GPR176: variants seen among roughly 807,000 people sequenced by gnomAD.
GPR176 encodes G protein-coupled receptor 176.
Under a neutral mutation model 35.4 loss-of-function variants are expected in GPR176, and 26 were observed. The observed-to-expected ratio is 0.74, with a 90% CI of 0.54 to 1.02. The LOEUF is 1.02. GPR176 is among the 50% of genes least tolerant of loss of function. The pLI is 0.00. For synonymous variants in GPR176, 278 were observed against 271.3 expected (o/e 1.02, Z -0.24); for missense variants, 597 against 665.3 (o/e 0.90, Z 1.13).
intron 1 of GPR176, among the ~76,000 whole-genome samples, chr15:39,902,816 C>T (rs150905367): frequency 6.6e-6 from 1 of 152,318 alleles, no homozygotes; most frequent in African/African-American, 2.4e-5. Flanking sequence ...AATGAGCACA[C>T]AAGGGATGCC....
In GPR176 at chr15:39,920,105, G is replaced by A. The variant is rs2033838823; in HGVS notation, c.-79C>T. 1 of 1,002,462 alleles carries A rather than the reference G, an allele frequency of 1.0e-6. No individual in the cohort carries two copies. The highest frequency in any genetic ancestry group is 1.3e-6 in the Non-Finnish European group (1 of 765,324). The allele number at this position is 1,002,462 out of a possible 1,614,324, so 62.1% of individuals were successfully genotyped here. A position where few individuals can be genotyped will look rare whatever the true frequency, so the allele number is the denominator to read the frequency against. On this transcript the variant is annotated 5_prime_UTR_variant, in exon 1 of 3. Coordinates refer to ENST00000561100, the MANE Select transcript of GPR176 (RefSeq NM_007223.3). Reference sequence around the variant, plus strand: ...AGCCTCTCCTCCTCCGGGTGAGGAGGGACGCGCGGGCGCCTGGCGGAGTCC... The same window carrying A: ...AGCCTCTCCTCCTCCGGGTGAGGAGAGACGCGCGGGCGCCTGGCGGAGTCC...
intron 1 of GPR176, among the ~76,000 whole-genome samples, chr15:39,859,386 G>A (rs993291599): frequency 6.6e-5 from 10 of 151,582 alleles, no homozygotes; most frequent in African/African-American, 2.4e-4. Flanking sequence ...ATATACAAAT[G>A]GCTAACAAGC....
chr15:39,871,421 C>T (rs1450054292), intron 1 of GPR176, among the ~76,000 whole-genome samples: 1 of 152,174 alleles, frequency 6.6e-6, no homozygotes, highest in African/African-American at 2.4e-5. Flanking sequence ...TAATATCCTT[C>T]CATCTCTTAT....
intron 1 of GPR176, among the ~76,000 whole-genome samples, chr15:39,875,920 C>CATAT (rs35699619): frequency 1.2e-3 from 172 of 148,544 alleles, no homozygotes; most frequent in South Asian, 3.8e-3. Context: ...ATGTTTAACT[C>CATAT]ATATATATAT....
In GPR176 at chr15:39,800,059, A is replaced by T. The variant is rs967482349; in HGVS notation, c.*1073T>A. 1.3e-4 allele frequency: 20 copies of T among 152,204 alleles called. 1 individual carries two copies. Among genetic ancestry groups the T allele is most frequent in the African/African-American group, 4.6e-4 (19 of 41,448 alleles). The allele number at this position is 152,204 out of a possible 1,614,324, so 9.4% of individuals were successfully genotyped here. ...AGTTCCGGAGTCTTCCTCGGAAGGA[A>T]ACCATCTTTGTCAGATTCTTGCCAA... On this transcript the variant is annotated 3_prime_UTR_variant, in exon 3 of 3. Coordinates refer to ENST00000561100, the MANE Select transcript of GPR176 (RefSeq NM_007223.3).
intron 1 of GPR176, among the ~76,000 whole-genome samples, chr15:39,914,600 A>T (rs559538921): frequency 6.6e-6 from 1 of 152,140 alleles, no homozygotes; most frequent in Admixed American, 6.5e-5. Flanking sequence ...ATGAGCCACC[A>T]CACCTGGCCC....
intron 1 of GPR176, among the ~76,000 whole-genome samples, chr15:39,809,861 G>A (rs952306429): frequency 2.6e-5 from 4 of 152,182 alleles, no homozygotes; most frequent in Non-Finnish European, 2.9e-5. Flanking sequence ...AGACCTGAGT[G>A]ATGGCCGGGC....
chr15:39,904,409 A>C (rs1208019931), intron 1 of GPR176, among the ~76,000 whole-genome samples: 1 of 152,178 alleles, frequency 6.6e-6, no homozygotes, highest in Admixed American at 6.5e-5. Context: ...TCAGATCAAG[A>C]TGTAAATGTT....
intron 1 of GPR176, chr15:39,813,512 T>C (rs1899706385): frequency 6.6e-6 from 1 of 152,264 alleles, no homozygotes; most frequent in African/African-American, 2.4e-5. Flanking sequence ...CAATTTCTGA[T>C]AGTAAGTTTA....
chr15:39,833,241 G>A (rs1231696982), intron 1 of GPR176, among the ~76,000 whole-genome samples: 1 of 152,096 alleles, frequency 6.6e-6, no homozygotes, highest in African/African-American at 2.4e-5. Context: ...CCAAAGAGCA[G>A]AAACAACTCA....
intron 1 of GPR176, among the ~76,000 whole-genome samples, chr15:39,894,854 C>T (rs2033049313): frequency 6.6e-6 from 1 of 152,236 alleles, no homozygotes; most frequent in Non-Finnish European, 1.5e-5. Flanking sequence ...TCTGCAATCT[C>T]GGCACTTTGG....
chr15:39,909,815 T>G lies in GPR176; in HGVS notation c.172+10040A>C, dbSNP rs113693610. On this transcript the variant is annotated intron_variant, in intron 1 of 2. Transcript: ENST00000561100. ...ACACTCATGAAATAACTAGCTTTTT[T>G]TCACAACCAACATAATAACTGTAAA... The G allele has an allele frequency of 6.0e-4, 360 of 603,004 alleles. 1 individual carries two copies. In the African/African-American group the frequency reaches 6.5e-3, roughly 11 times the overall value. 37.4% of individuals were successfully genotyped at this position (603,004 alleles called of 1,614,324 possible).
chr15:39,919,820 A>G lies in GPR176; in HGVS notation c.172+35T>C, dbSNP rs532793751. 10 of 1,361,644 alleles carry G rather than the reference A, an allele frequency of 7.3e-6. No homozygotes were observed. In the East Asian group the frequency reaches 2.7e-4, roughly 37 times the overall value. The allele number at this position is 1,361,644 out of a possible 1,614,324, so 84.3% of individuals were successfully genotyped here. On this transcript the variant is annotated intron_variant, in intron 1 of 2. Coordinates refer to ENST00000561100, the MANE Select transcript of GPR176 (RefSeq NM_007223.3). ...GCTCTCCGAGCCTGTACCCTCGGGG[A>G]GGCCCGGTCCGGAGGCGCCCCGCGG...
chr15:39,886,102 G>T (rs529133443), intron 1 of GPR176, among the ~76,000 whole-genome samples: 3 of 152,042 alleles, frequency 2.0e-5, no homozygotes, highest in African/African-American at 7.2e-5. Flanking sequence ...GCATGGTGGC[G>T]GGCGCCTGTA....
chr15:39,824,441 C>CT (rs1566941704), intron 1 of GPR176, among the ~76,000 whole-genome samples: 1 of 152,240 alleles, frequency 6.6e-6, no homozygotes, highest in East Asian at 1.9e-4. Flanking sequence ...GAAACCCTCC[C>CT]TCACCACCAG....
intron 1 of GPR176, among the ~76,000 whole-genome samples, chr15:39,865,811 T>C (rs975523861): frequency 2.0e-5 from 3 of 152,180 alleles, no homozygotes; most frequent in Admixed American, 6.5e-5. Flanking sequence ...CAAAATTTCA[T>C]ATGCATTTTC....
chr15:39,846,469 C>T (rs796381022), intron 1 of GPR176, among the ~76,000 whole-genome samples: 7 of 152,334 alleles, frequency 4.6e-5, no homozygotes, highest in African/African-American at 1.7e-4. Flanking sequence ...ACCTGAACAT[C>T]TATCCTCAAT....
At chr15:39,855,351 T>C (rs1357285477) in intron 1 of GPR176, among the ~76,000 whole-genome samples, 1 of 152,192 alleles carries the variant, frequency 6.6e-6, no homozygotes, top group South Asian at 2.1e-4. Flanking sequence ...CCAACTATAG[T>C]GAAGGCATGA....
intron 1 of GPR176, chr15:39,815,083 ACT>A (rs1427778347): frequency 6.6e-6 from 1 of 151,288 alleles, no homozygotes; most frequent in Non-Finnish European, 1.5e-5. Flanking sequence ...GTTATATGTT[ACT>A]GTTACTATTA....
Sources: allele counts gnomAD v4.1 joint callset (sites outside exome capture counted in the v4.1 genomes callset), GRCh38; gene constraint gnomAD v4.1.1; transcripts MANE v1.5; gene names NCBI Gene and HGNC (gene_info 2026-07-23, HGNC 2026-07-21).